Variants in CDC42 observed in about 807,000 individuals in gnomAD.
The protein encoded by CDC42 is cell division control protein 42 homolog.
A neutral mutation model predicts 20.8 loss-of-function variants in CDC42; 1 was observed. The observed-to-expected ratio is 0.05, with a 90% CI of 0.02 to 0.23. CDC42 has a LOEUF of 0.23. Among genes scored for constraint, CDC42 ranks in the 10% least tolerant of loss-of-function variants. CDC42 has a pLI of 1.00. For synonymous variants in CDC42, 72 were observed against 84.8 expected (o/e 0.85, Z 0.83); for missense variants, 49 against 227.9 (o/e 0.21, Z 5.05).
At chr1:22,075,466 A>G (rs540710935) in intron 1 of CDC42, among the ~76,000 whole-genome samples, 1 of 152,322 alleles carries the variant, frequency 6.6e-6, no homozygotes, top group South Asian at 2.1e-4. Context: ...ACAGTTATCC[A>G]TCTGTATCTG....
chr1:22,067,519 AT>A (rs1645437907), intron 1 of CDC42, among the ~76,000 whole-genome samples: 1 of 151,954 alleles, frequency 6.6e-6, no homozygotes, highest in Non-Finnish European at 1.5e-5. Flanking sequence ...TAATTTTTGT[AT>A]TTTTAGTGGA....
chr1:22,079,174 G>A (rs78091109), intron 2 of CDC42, among the ~76,000 whole-genome samples: 4,231 of 136,282 alleles, frequency 0.031, 97 homozygotes, highest in African/African-American at 0.068. Context: ...AGTCTCTATC[G>A]TCCATTCTAT....
intron 5 of CDC42, 145 bp downstream of exon 5, chr1:22,087,011 T>C: frequency 1.5e-6 from 1 of 680,538 alleles, no homozygotes; most frequent in East Asian, 2.6e-5. Context: ...TATGTTCTTT[T>C]GTTAGAGGCC....
chr1:22,088,952 CAT>C (rs1236555401), intron 5 of CDC42, among the ~76,000 whole-genome samples: 3 of 152,140 alleles, frequency 2.0e-5, no homozygotes, highest in Admixed American at 6.6e-5. Flanking sequence ...TCTAATGTGA[CAT>C]GTGGGTACCA....
At chr1:22,062,730 TAAAAAAAAAAAAAAAAAAA>T (rs531472151) in intron 1 of CDC42, among the ~76,000 whole-genome samples, 1 of 69,424 alleles carries the variant, frequency 1.4e-5, no homozygotes, top group Non-Finnish European at 2.5e-5. Context: ...TGGCTCTATT[TAAAAAAAAAAAAAAAAAAA>T]AAAAAAAAAA....
intron 5 of CDC42, among the ~76,000 whole-genome samples, chr1:22,088,521 G>T (rs1265706293): frequency 2.6e-5 from 4 of 152,208 alleles, no homozygotes; most frequent in Non-Finnish European, 4.4e-5. Flanking sequence ...AATGGGGTCT[G>T]TGGTTGTGTT....
chr1:22,053,245 G>A (rs1645256771), intron 1 of CDC42: 1 of 150,100 alleles, frequency 6.7e-6, no homozygotes, highest in South Asian at 2.1e-4. Context: ...GCGCCGCCGC[G>A]GACATTTTGC....
rs976946007 is a variant in CDC42, at chr1:22,092,856, G to A, written c.*1339G>A. On this transcript the variant is annotated 3_prime_UTR_variant, in exon 6 of 6. Coordinates refer to ENST00000656825, the MANE Select transcript of CDC42 (RefSeq NM_001791.4). ...CTTCCCAAACCTAATTCTTGTAGATGCATTAGTGTTGAACCAATGCTTTCT... is the reference window on the plus strand; with the variant it reads ...CTTCCCAAACCTAATTCTTGTAGATACATTAGTGTTGAACCAATGCTTTCT... 5.9e-5 allele frequency: 9 copies of A among 152,546 alleles called. No individual in the cohort carries two copies. The highest frequency in any genetic ancestry group is 1.9e-4 in the African/African-American group (8 of 41,398). The allele number at this position is 152,546 out of a possible 1,614,324, so 9.4% of individuals were successfully genotyped here.
intron 1 of CDC42, among the ~76,000 whole-genome samples, chr1:22,067,049 C>G (rs1181372703): frequency 3.9e-5 from 6 of 152,082 alleles, no homozygotes; most frequent in Non-Finnish European, 8.8e-5. Context: ...CAGGACAGAG[C>G]CTGGCACGTC....
At position 22,078,568 on chromosome 1, in the gene CDC42, G is replaced by A. The variant is rs368993116; in HGVS notation, c.90G>A (p.Ser30=). The part of the protein sequence containing the change: ...LISYTTNKFP[S]EYVPTVFDNY... ...CCTACACAACAAACAAATTTCCATC[G>A]GAATATGTACCGACTGTAAGTATAA... is the stretch of plus-strand genomic sequence containing the variant. The change falls in exon 2 of 6, where the codon TCG becomes TCA. Residue 30 remains serine (S), a synonymous_variant. Coordinates refer to ENST00000656825, the MANE Select transcript of CDC42 (RefSeq NM_001791.4). 7.4e-6 allele frequency: 12 copies of A among 1,611,872 alleles called. No homozygotes were observed. Among genetic ancestry groups the A allele is most frequent in the Non-Finnish European group, 1.0e-5 (12 of 1,178,364 alleles).
At chr1:22,064,967 C>G (rs556581182) in intron 1 of CDC42, among the ~76,000 whole-genome samples, 1 of 152,020 alleles carries the variant, frequency 6.6e-6, no homozygotes, top group South Asian at 2.1e-4. Flanking sequence ...GGATTACAGG[C>G]GTGAGCCACC....
intron 1 of CDC42, chr1:22,059,512 C>T (rs1168596239): frequency 6.6e-6 from 1 of 151,780 alleles, no homozygotes; most frequent in Non-Finnish European, 1.5e-5. Context: ...CCAAAATCAT[C>T]TTTTTCAGCT....
intron 1 of CDC42, among the ~76,000 whole-genome samples, chr1:22,071,017 G>T (rs1406100962): frequency 6.6e-6 from 1 of 151,034 alleles, no homozygotes; most frequent in Non-Finnish European, 1.5e-5. Flanking sequence ...TTACGGCACT[G>T]AGGAACAAGC....
chr1:22,082,697 G>T (rs1037605292), intron 3 of CDC42, among the ~76,000 whole-genome samples: 4 of 152,094 alleles, frequency 2.6e-5, no homozygotes, highest in African/African-American at 9.7e-5. Context: ...GAACTATTTG[G>T]ATTTAATTGA....
chr1:22,058,868 T>C (rs1645332491), intron 1 of CDC42, among the ~76,000 whole-genome samples: 1 of 152,034 alleles, frequency 6.6e-6, no homozygotes, highest in Non-Finnish European at 1.5e-5. Context: ...CAGGCTGCAG[T>C]GCGTGGTGTG....
chr1:22,074,609 A>G (rs1329514419), intron 1 of CDC42, among the ~76,000 whole-genome samples: 2 of 151,980 alleles, frequency 1.3e-5, no homozygotes, highest in Non-Finnish European at 2.9e-5. Flanking sequence ...AATAGAGGTC[A>G]GGTCTTAACT....
chr1:22,076,952 C>T (rs775099200), intron 1 of CDC42, among the ~76,000 whole-genome samples: 3 of 151,888 alleles, frequency 2.0e-5, no homozygotes, highest in Non-Finnish European at 2.9e-5. Flanking sequence ...AATTCAAGAC[C>T]AGCCTGGGTA....
chr1:22,060,741 G>C (rs1465762934), intron 1 of CDC42, among the ~76,000 whole-genome samples: 1 of 152,114 alleles, frequency 6.6e-6, no homozygotes, highest in Non-Finnish European at 1.5e-5. Flanking sequence ...TATTGGAGAA[G>C]AACTCAGTTT....
intron 5 of CDC42, among the ~76,000 whole-genome samples, chr1:22,089,644 T>C (rs951468832): frequency 6.6e-6 from 1 of 152,234 alleles, no homozygotes; most frequent in Non-Finnish European, 1.5e-5. Context: ...ATTCAGGGGC[T>C]GAATTCACAT....
Sources: allele counts gnomAD v4.1 joint callset (sites outside exome capture counted in the v4.1 genomes callset), GRCh38; gene constraint gnomAD v4.1.1; transcripts MANE v1.5; gene names NCBI Gene and HGNC (gene_info 2026-07-23, HGNC 2026-07-21).